Variants in KDM5A observed in about 807,000 individuals in gnomAD.
The protein encoded by KDM5A is lysine-specific demethylase 5A.
In KDM5A, 42 loss-of-function variants were observed where a neutral mutation model predicts 193.5. The observed-to-expected ratio is 0.22, with a 90% CI of 0.17 to 0.28. The LOEUF is 0.28. KDM5A is among the 10% of genes least tolerant of loss of function. The pLI is 1.00. For missense variants in KDM5A, 1,692 were observed against 2,055.1 expected, an observed-to-expected ratio of 0.82 and a Z score of 3.42; for synonymous variants, 796 against 718.1, an observed-to-expected ratio of 1.11 and a Z score of -1.73.
At position 357,856 on chromosome 12, in the gene KDM5A, C is replaced by G. The variant is rs1219669292; in HGVS notation, c.673-1319G>C. Among the ~76,000 whole-genome samples the G allele has an allele frequency of 1.5e-3, 60 of 39,936 alleles. 2 individuals are homozygous for G. The highest frequency in any genetic ancestry group is 4.1e-3 in the African/African-American group (56 of 13,504). The allele number at this position is 39,936 out of a possible 152,430, so 26.2% of individuals were successfully genotyped here. On this transcript the variant is annotated intron_variant, in intron 5 of 27. Coordinates refer to ENST00000399788, the MANE Select transcript of KDM5A (RefSeq NM_001042603.3). ...AAAAAAAAAAAAAAAAAAAAAAAAGCCCTTTTGCCCCAATTCCCTTCCTTC... is the reference window on the plus strand; with the variant it reads ...AAAAAAAAAAAAAAAAAAAAAAAAGGCCTTTTGCCCCAATTCCCTTCCTTC...
Position 285,439 on chromosome 12 carries a change from A to G in KDM5A, c.*17T>C. ...GTGGTCCATGTCCCCCCATGTCCCA[A>G]ACTAACCAAGCATCTGCTAACTGGT... On this transcript the variant is annotated 3_prime_UTR_variant, in exon 28 of 28. Transcript: ENST00000399788. 1 of 1,611,564 alleles carries G rather than the reference A, an allele frequency of 6.2e-7. No homozygotes were observed. Among genetic ancestry groups the G allele is most frequent in the Non-Finnish European group, 8.5e-7 (1 of 1,177,774 alleles).
intron 3 of KDM5A, among the ~76,000 whole-genome samples, chr12:378,509 C>G (rs1382206799): frequency 6.6e-6 from 1 of 152,202 alleles, no homozygotes; most frequent in Non-Finnish European, 1.5e-5. Context: ...AAATGATCCT[C>G]CTGCCTCGGC....
chr12:354,003 G>T, intron 8 of KDM5A, 73 bp downstream of exon 8: 2 of 1,094,982 alleles, frequency 1.8e-6, no homozygotes, highest in Non-Finnish European at 2.8e-6. Context: ...TTGGGAATAT[G>T]TTTATATGTA....
rs553624670 is a variant in KDM5A at position 339,367 on chromosome 12, A to G, written c.1309-4945T>C. On this transcript the variant is annotated intron_variant, in intron 10 of 27. Transcript: ENST00000399788. ...TATAAAAAGTTTGAAAATTTCATAC[A>G]CTTTGTCTAATTAGTCCCTAAAATC... Among the ~76,000 whole-genome samples, 9 of 149,838 alleles carry G rather than the reference A, an allele frequency of 6.0e-5. No homozygotes were observed. The South Asian group carries it at 1.5e-3, about 24-fold the overall frequency.
At chr12:356,727 T>C (rs1944233702) in intron 5 of KDM5A, among the ~76,000 whole-genome samples, 190 bp from the exon 6 acceptor site, 1 of 152,152 alleles carries the variant, frequency 6.6e-6, no homozygotes, top group African/African-American at 2.4e-5. Context: ...AACACCCAGA[T>C]TCCTTTCCAC....
In KDM5A at chr12:374,224, T is replaced by C. The variant is rs557231644; in HGVS notation, c.367-8120A>G. ...TCATTGTGTGGGAGTCTAAGTCTCTTTGTGGGTCTCTAAGGACTTGCTTTA... is the reference window on the plus strand; with the variant it reads ...TCATTGTGTGGGAGTCTAAGTCTCTCTGTGGGTCTCTAAGGACTTGCTTTA... On this transcript the variant is annotated intron_variant, in intron 3 of 27. Transcript: ENST00000399788. 3.3e-5 allele frequency among the ~76,000 whole-genome samples: 5 copies of C among 152,296 alleles called. No individual in the cohort carries two copies. The East Asian group carries it at 9.6e-4, about 29-fold the overall frequency.
At chr12:388,078 A>C (rs147893894) in intron 1 of KDM5A, among the ~76,000 whole-genome samples, 281 of 152,344 alleles carry the variant, frequency 1.8e-3, no homozygotes, top group Admixed American at 3.7e-3. Flanking sequence ...CATTTAAACA[A>C]GCATCCAGTT....
At position 293,145 on chromosome 12, in the gene KDM5A, G is replaced by A. The variant is rs1943321672; in HGVS notation, c.4480C>T (p.Leu1494=). 2 of 1,611,548 alleles carry A rather than the reference G, an allele frequency of 1.2e-6. No individual in the cohort carries two copies. The highest frequency in any genetic ancestry group is 1.1e-5 in the South Asian group (1 of 90,522). ...MEDDSMEEKP[L]KVKGKDSSEK... is the part of the protein sequence containing the mutation. ...GAAGAGTCCTTTCCTTTCACTTTTA[G>A]TGGTTTCTCTTCCATGCTGTCATCC... The change falls in exon 27 of 28, where the codon CTA becomes TTA. Residue 1494 remains leucine (L), a synonymous_variant. Coordinates refer to ENST00000399788, the MANE Select transcript of KDM5A (RefSeq NM_001042603.3).
At chr12:298,149 G>A (rs1030753586) in intron 24 of KDM5A, among the ~76,000 whole-genome samples, 3 of 152,210 alleles carry the variant, frequency 2.0e-5, no homozygotes, top group Non-Finnish European at 4.4e-5. Flanking sequence ...CTGCCTGACG[G>A]CTCTGAAGAG....
chr12:296,255 G>GA (rs948564920), intron 25 of KDM5A, among the ~76,000 whole-genome samples: 1 of 151,132 alleles, frequency 6.6e-6, no homozygotes, highest in Non-Finnish European at 1.5e-5. Context: ...TAGGCAGGGG[G>GA]AGGTTGCAGT....
At chr12:304,639 T>C (rs1344228059) in intron 24 of KDM5A, among the ~76,000 whole-genome samples, 1 of 152,050 alleles carries the variant, frequency 6.6e-6, no homozygotes, top group African/African-American at 2.4e-5. Context: ...TTTTCTACCC[T>C]GCCAATACCC....
chr12:313,808 T>C lies in KDM5A; in HGVS notation c.2898-614A>G, dbSNP rs572136114. On this transcript the variant is annotated intron_variant, in intron 19 of 27. Transcript: ENST00000399788. Reference sequence around the variant, plus strand: ...ACTGTTATGGGAGGCAGTGATTAATTCTGCCCAGGAGAGTTGAGAAAGGCT... The same window carrying C: ...ACTGTTATGGGAGGCAGTGATTAATCCTGCCCAGGAGAGTTGAGAAAGGCT... Among the ~76,000 whole-genome samples the C allele has an allele frequency of 3.9e-5, 6 of 152,330 alleles. No individual in the cohort carries two copies. In the South Asian group the frequency reaches 1.2e-3, roughly 32 times the overall value.
At chr12:370,950 C>T (rs1333428041) in intron 3 of KDM5A, among the ~76,000 whole-genome samples, 1 of 152,132 alleles carries the variant, frequency 6.6e-6, no homozygotes, top group Non-Finnish European at 1.5e-5. Flanking sequence ...TGATCTCATC[C>T]TTTTTTATGG....
At position 353,308 on chromosome 12, in the gene KDM5A, C is replaced by T. The variant is rs1038373978; in HGVS notation, c.1029+768G>A. Among the ~76,000 whole-genome samples the T allele has an allele frequency of 5.9e-5, 9 of 152,092 alleles. No homozygotes were observed. In the East Asian group the frequency reaches 9.6e-4, roughly 16 times the overall value. On this transcript the variant is annotated intron_variant, in intron 8 of 27. Coordinates refer to ENST00000399788, the MANE Select transcript of KDM5A (RefSeq NM_001042603.3). ...CCGCGCCACTGCACTGCAGACTGAGCGAGAGGCTGTAGACCGTCTCAAAAA... is the reference window on the plus strand; with the variant it reads ...CCGCGCCACTGCACTGCAGACTGAGTGAGAGGCTGTAGACCGTCTCAAAAA...
rs959491971 is a variant in KDM5A at position 389,181 on chromosome 12, C to A, written c.-90G>T. Reference sequence around the variant, plus strand: ...CACTAAGCCCGTTCAAGTCCCCTGACAGAGGCCGAAGCGCATCTTCGCGGA... The same window carrying A: ...CACTAAGCCCGTTCAAGTCCCCTGAAAGAGGCCGAAGCGCATCTTCGCGGA... On this transcript the variant is annotated 5_prime_UTR_variant, in exon 1 of 28. Transcript: ENST00000399788. 3 of 1,238,450 alleles carry A rather than the reference C, an allele frequency of 2.4e-6. No homozygotes were observed. The East Asian group carries it at 6.9e-5, about 29-fold the overall frequency. The allele number at this position is 1,238,450 out of a possible 1,614,324, so 76.7% of individuals were successfully genotyped here.
intron 2 of KDM5A, among the ~76,000 whole-genome samples, chr12:384,627 A>G (rs746894046): frequency 2.2e-4 from 34 of 152,246 alleles, no homozygotes; most frequent in Non-Finnish European, 4.7e-4. Flanking sequence ...ATAAAGAGGC[A>G]AAAGACTTCT....
intron 14 of KDM5A, among the ~76,000 whole-genome samples, chr12:324,078 G>A (rs1228119074): frequency 3.9e-5 from 6 of 152,170 alleles, no homozygotes; most frequent in Non-Finnish European, 5.9e-5. Flanking sequence ...AAGCTGAGGC[G>A]GAAGGATTGT....
chr12:309,178 C>T (rs1284892025), intron 22 of KDM5A, among the ~76,000 whole-genome samples: 1 of 152,166 alleles, frequency 6.6e-6, no homozygotes, highest in Non-Finnish European at 1.5e-5. Context: ...CCTCAAATAA[C>T]ATCTTTACGT....
intron 27 of KDM5A, among the ~76,000 whole-genome samples, chr12:289,903 C>CTTTTTTTTTTTTTTTTT (rs1943269398): frequency 9.4e-6 from 1 of 106,736 alleles, no homozygotes; most frequent in African/African-American, 4.0e-5. Flanking sequence ...TTTTTTCTTT[C>CTTTTTTTTTTTTTTTTT]TTTCTTTTTT....
Sources: allele counts gnomAD v4.1 joint callset (sites outside exome capture counted in the v4.1 genomes callset), GRCh38; gene constraint gnomAD v4.1.1; transcripts MANE v1.5; gene names NCBI Gene and HGNC (gene_info 2026-07-23, HGNC 2026-07-21).